Variants in PHKB observed in about 807,000 individuals in gnomAD.
PHKB encodes the protein phosphorylase kinase regulatory subunit beta, also known as phosphorylase b kinase regulatory subunit beta.
A neutral mutation model predicts 152.1 loss-of-function variants in PHKB; 122 were observed. The observed-to-expected ratio is 0.80, with a 90% CI of 0.69 to 0.93. The LOEUF is 0.93. PHKB is among the 40% of genes least tolerant of loss of function. The pLI is 0.00. For synonymous variants in PHKB, 436 were observed against 464.9 expected (o/e 0.94, Z 0.80); for missense variants, 1,304 against 1,328.4 (o/e 0.98, Z 0.29).
At chr16:47,655,155 C>G (rs1973312724) in intron 20 of PHKB, among the ~76,000 whole-genome samples, 1 of 152,008 alleles carries the variant, frequency 6.6e-6, no homozygotes, top group Admixed American at 6.6e-5. Context: ...AAAAACACCC[C>G]AGTATACACA....
chr16:47,687,889 G>A (rs964645193), intron 26 of PHKB, among the ~76,000 whole-genome samples: 4 of 152,178 alleles, frequency 2.6e-5, no homozygotes, highest in African/African-American at 9.7e-5. Context: ...GTTGACACCC[G>A]GTAAGGCTTA....
At chr16:47,530,811 A>G (rs1970849592) in intron 6 of PHKB, among the ~76,000 whole-genome samples, 1 of 152,248 alleles carries the variant, frequency 6.6e-6, no homozygotes, top group Non-Finnish European at 1.5e-5. Context: ...AGATCTAAAT[A>G]AATATTAGCA....
chr16:47,643,471 A>G (rs1973061846), intron 16 of PHKB, among the ~76,000 whole-genome samples: 1 of 152,214 alleles, frequency 6.6e-6, no homozygotes, highest in Admixed American at 6.5e-5. Context: ...TTGTTTTAAA[A>G]ATGGTGTTAA....
intron 6 of PHKB, among the ~76,000 whole-genome samples, chr16:47,530,978 C>A (rs1567294334): frequency 6.6e-6 from 1 of 152,016 alleles, no homozygotes; most frequent in Non-Finnish European, 1.5e-5. Context: ...GAAGAATAAA[C>A]TGTAAAATAC....
At chr16:47,629,616 C>T (rs1218607226) in intron 14 of PHKB, among the ~76,000 whole-genome samples, 7 of 150,052 alleles carry the variant, frequency 4.7e-5, no homozygotes, top group African/African-American at 1.7e-4. Flanking sequence ...GTCAGTGTGG[C>T]GATTCCTCAG....
At chr16:47,567,522 C>T (rs949916820) in intron 7 of PHKB, among the ~76,000 whole-genome samples, 1 of 152,010 alleles carries the variant, frequency 6.6e-6, no homozygotes, top group African/African-American at 2.4e-5. Flanking sequence ...TTTACATGCC[C>T]TTTATTTCTG....
intron 1 of PHKB, among the ~76,000 whole-genome samples, chr16:47,472,474 C>T (rs528401631): frequency 1.6e-4 from 25 of 152,118 alleles, no homozygotes; most frequent in African/African-American, 5.8e-4. Flanking sequence ...CATGACGAAA[C>T]CATCTCTACA....
chr16:47,626,831 A>C (rs576321332), intron 14 of PHKB, among the ~76,000 whole-genome samples: 1 of 152,328 alleles, frequency 6.6e-6, no homozygotes, highest in South Asian at 2.1e-4. Context: ...GCTGAAATGG[A>C]GTCCTGCCAC....
At chr16:47,575,596 A>G (rs1355483670) in intron 7 of PHKB, among the ~76,000 whole-genome samples, 1 of 152,234 alleles carries the variant, frequency 6.6e-6, no homozygotes, top group East Asian at 1.9e-4. Flanking sequence ...AACTAAACTA[A>G]CTCAGAAAGA....
intron 14 of PHKB, among the ~76,000 whole-genome samples, chr16:47,631,244 C>A (rs1481342169): frequency 1.3e-5 from 2 of 152,154 alleles, no homozygotes; most frequent in Non-Finnish European, 2.9e-5. Flanking sequence ...TGATTTCAGA[C>A]CTGGACATAC....
intron 7 of PHKB, chr16:47,565,415 C>T (rs1971548207): frequency 8.0e-7 from 1 of 1,251,898 alleles, no homozygotes; most frequent in East Asian, 2.3e-5. Flanking sequence ...GATTGCTGCT[C>T]TGTATCTGAG....
chr16:47,614,461 G>A (rs1439564427), intron 14 of PHKB, among the ~76,000 whole-genome samples: 2 of 152,108 alleles, frequency 1.3e-5, no homozygotes, highest in African/African-American at 2.4e-5. Flanking sequence ...CAGGTTATTC[G>A]AACATTTCTT....
intron 7 of PHKB, among the ~76,000 whole-genome samples, chr16:47,564,681 G>A (rs1013994091): frequency 1.4e-4 from 22 of 152,158 alleles, no homozygotes; most frequent in African/African-American, 5.1e-4. Flanking sequence ...CTAGGCCAAT[G>A]TCCAGAAGAG....
intron 26 of PHKB, among the ~76,000 whole-genome samples, chr16:47,671,467 C>T (rs562756203): frequency 1.3e-5 from 2 of 151,814 alleles, no homozygotes; most frequent in African/African-American, 4.8e-5. Context: ...ACATTTTGAC[C>T]TATTTCTATA....
chr16:47,600,428 CA>C (rs1972202001), intron 13 of PHKB, among the ~76,000 whole-genome samples: 1 of 152,084 alleles, frequency 6.6e-6, no homozygotes, highest in Non-Finnish European at 1.5e-5. Context: ...ATAAAATGGT[CA>C]TTAGTTATAC....
chr16:47,603,474 T>TTTATGTA (rs1972269403), intron 13 of PHKB, among the ~76,000 whole-genome samples: 2 of 132,356 alleles, frequency 1.5e-5, no homozygotes, highest in African/African-American at 6.7e-5. Flanking sequence ...GAAGACTTTC[T>TTTATGTA]TTAGCTTTAT....
chr16:47,674,439 C>T (rs1163693011), intron 26 of PHKB, among the ~76,000 whole-genome samples: 2 of 152,100 alleles, frequency 1.3e-5, no homozygotes, highest in Non-Finnish European at 1.5e-5. Flanking sequence ...TATTAAGACG[C>T]TATGAAAAGT....
intron 6 of PHKB, among the ~76,000 whole-genome samples, chr16:47,531,202 T>G (rs1415583110): frequency 1.3e-5 from 2 of 152,186 alleles, no homozygotes; most frequent in Admixed American, 1.3e-4. Context: ...GTGTAGGCTT[T>G]CCAGAGCCAT....
chr16:47,597,685 T>C (rs997740314), intron 13 of PHKB: 19 of 149,986 alleles, frequency 1.3e-4, no homozygotes, highest in Non-Finnish European at 2.4e-4. Flanking sequence ...TTTCTTTTTT[T>C]TTTTTTTTTT....
Sources: allele counts gnomAD v4.1 joint callset (sites outside exome capture counted in the v4.1 genomes callset), GRCh38; gene constraint gnomAD v4.1.1; transcripts MANE v1.5; gene names NCBI Gene and HGNC (gene_info 2026-07-23, HGNC 2026-07-21).